The following PIK3CB variants were observed in gnomAD, a reference collection of about 807,000 sequenced individuals.
The protein encoded by PIK3CB is phosphatidylinositol 4,5-bisphosphate 3-kinase catalytic subunit beta isoform.
PIK3CB carries 39 observed loss-of-function variants against 136.8 expected under a neutral mutation model. The observed-to-expected ratio is 0.29, with a 90% CI of 0.22 to 0.37. PIK3CB has a LOEUF of 0.37. Ranked by LOEUF, PIK3CB falls within the 10% of genes least tolerant of loss-of-function variation. PIK3CB has a pLI of 1.00. For synonymous variants in PIK3CB, 428 were observed against 436.6 expected, an observed-to-expected ratio of 0.98 and a Z score of 0.25; for missense variants, 868 against 1,275.4, an observed-to-expected ratio of 0.68 and a Z score of 4.87.
chr3:138,699,964 G>A (rs935518967), intron 12 of PIK3CB, among the ~76,000 whole-genome samples: 3 of 152,110 alleles, frequency 2.0e-5, no homozygotes, highest in Non-Finnish European at 2.9e-5. Context: ...CACTTTGTGA[G>A]GCTAAGGCAG....
chr3:138,823,787 G>A (rs1283393384), intron 1 of PIK3CB, among the ~76,000 whole-genome samples: 2 of 152,204 alleles, frequency 1.3e-5, no homozygotes, highest in Non-Finnish European at 2.9e-5. Context: ...ACTTCAAATC[G>A]GGTTATAATT....
At chr3:138,663,859 GAA>G in intron 21 of PIK3CB, 45 bp downstream of exon 21, 1 of 1,578,650 alleles carries the variant, frequency 6.3e-7, no homozygotes, top group Non-Finnish European at 8.6e-7. Flanking sequence ...CTATACATAA[GAA>G]ATAGCATTAC....
At chr3:138,817,838 G>T (rs904270340) in intron 1 of PIK3CB, among the ~76,000 whole-genome samples, 4 of 152,098 alleles carry the variant, frequency 2.6e-5, no homozygotes, top group Non-Finnish European at 4.4e-5. Context: ...TGTGCCTCCC[G>T]AGTCACCAGA....
At chr3:138,831,281 A>AAAATAAAATAAAATAAAATT (rs763253552) in intron 1 of PIK3CB, among the ~76,000 whole-genome samples, 35 of 148,276 alleles carry the variant, frequency 2.4e-4, no homozygotes, top group Non-Finnish European at 3.8e-4. Context: ...AAAATAAAAT[A>AAAATAAAATAAAATAAAATT]AAATTAAATT....
intron 8 of PIK3CB, among the ~76,000 whole-genome samples, chr3:138,723,169 T>A (rs1189657009): frequency 6.6e-6 from 1 of 152,114 alleles, no homozygotes; most frequent in African/African-American, 2.4e-5. Flanking sequence ...CACATGAAAT[T>A]TTATAAAAAT....
intron 1 of PIK3CB, among the ~76,000 whole-genome samples, chr3:138,822,703 G>A (rs1264155431): frequency 3.3e-5 from 5 of 150,070 alleles, no homozygotes; most frequent in African/African-American, 4.9e-5. Flanking sequence ...TCAGCCAGGC[G>A]TGTGGCATGC....
At chr3:138,763,135 T>TATGTATGTATGTATGTATGC (rs2045685718) in intron 2 of PIK3CB, among the ~76,000 whole-genome samples, 1 of 151,894 alleles carries the variant, frequency 6.6e-6, no homozygotes, top group Non-Finnish European at 1.5e-5. Flanking sequence ...TGTATGTATG[T>TATGTATGTATGTATGTATGC]ATGTATGTAT....
chr3:138,755,849 T>A lies in PIK3CB; in HGVS notation c.302A>T (p.Asp101Val), dbSNP rs2108721603. 1 of 1,613,032 alleles carries A rather than the reference T, an allele frequency of 6.2e-7. No homozygotes were observed. The highest frequency in any genetic ancestry group is 2.2e-5 in the East Asian group (1 of 44,804). ...GAGAACTGGAAGAAAAGGTCTGACA[T>A]CACAGAGTCTTCGTGTTTCATCTTC... is the stretch of plus-strand genomic sequence containing the variant. Reference protein sequence around the residue: ...ELEDETRRLCDVRPFLPVLKL... With the variant: ...ELEDETRRLCVVRPFLPVLKL... The change falls in exon 4 of 24, where the codon GAT (aspartate) becomes GTT (valine). Residue 101 changes from aspartate (D) to valine (V), a missense_variant. This residue lies in a region of PIK3CB where 612 missense variants were observed against 801.1 expected (regional missense o/e 0.76). Coordinates refer to ENST00000674063, the MANE Select transcript of PIK3CB (RefSeq NM_006219.3).
At chr3:138,822,649 C>CT (rs1300525882) in intron 1 of PIK3CB, among the ~76,000 whole-genome samples, 2 of 151,388 alleles carry the variant, frequency 1.3e-5, no homozygotes, top group Non-Finnish European at 2.9e-5. Flanking sequence ...CGAGACGAGC[C>CT]TGGCCAACAC....
rs2043846404 is a variant in PIK3CB, at chr3:138,684,645, A to G, written c.2295T>C (p.Cys765=). ...LSDLQSPLNP[C]VILSELYVEK... Reference sequence around the variant, plus strand: ...CTTACTAGAGTTCTGAGAGGATAACACATGGGTTCAGGGGTGACTGCAGGT... The same window carrying G: ...CTTACTAGAGTTCTGAGAGGATAACGCATGGGTTCAGGGGTGACTGCAGGT... Residue 765 remains cysteine (C), a synonymous_variant, in exon 17 of 24, where the codon TGT becomes TGC. Transcript: ENST00000674063. 6.2e-7 allele frequency: 1 copy of G among 1,610,356 alleles called. No individual in the cohort carries two copies. The highest frequency in any genetic ancestry group is 1.1e-5 in the South Asian group (1 of 90,432).
At chr3:138,692,976 A>G (rs530397568) in intron 14 of PIK3CB, among the ~76,000 whole-genome samples, 1 of 152,394 alleles carries the variant, frequency 6.6e-6, no homozygotes, top group South Asian at 2.1e-4. Flanking sequence ...GGAATGAATT[A>G]AATAAGATAT....
In PIK3CB at chr3:138,698,956, G is replaced by C; in HGVS notation, c.1721C>G (p.Pro574Arg). The C allele has an allele frequency of 6.2e-7, 1 of 1,601,936 alleles. No individual in the cohort carries two copies. Among genetic ancestry groups the C allele is most frequent in the Non-Finnish European group, 8.5e-7 (1 of 1,171,846 alleles). ...CCACTTGATTGACAGCAGTAATTTT[G>C]GCAGTGATTGTGGGAAAATCTCTCG... The part of the protein sequence containing the change: ...DCREIFPQSL[P>R]KLLLSIKWNK... The change falls in exon 13 of 24, where the codon CCA (proline) becomes CGA (arginine). Residue 574 changes from proline to arginine, a missense_variant. Transcript: ENST00000674063.
In PIK3CB at chr3:138,737,861, G is replaced by A. The variant is rs776702180; in HGVS notation, c.647C>T (p.Pro216Leu). Residue 216 changes from proline (P) to leucine (L), a missense_variant, in exon 6 of 24, where the codon CCT (proline) becomes CTT (leucine). Physicochemically the swap from Pro to Leu is moderately conservative, Grantham distance 98. Transcript: ENST00000674063. ...CQDVFSFQVS[P>L]NMNPIKVNEL... ...ATTTACTTTGATAGGATTCATATTA[G>A]GAGACACTTGAAAGCTAAACACGTC... The A allele has an allele frequency of 6.9e-6, 11 of 1,602,326 alleles. No homozygotes were observed. The highest frequency in any genetic ancestry group is 9.4e-6 in the Non-Finnish European group (11 of 1,173,768).
intron 21 of PIK3CB, among the ~76,000 whole-genome samples, chr3:138,663,335 A>C (rs2043336753): frequency 6.6e-6 from 1 of 152,194 alleles, no homozygotes; most frequent in Admixed American, 6.5e-5. Flanking sequence ...TATCCCAAAT[A>C]CTATTTCTTA....
intron 16 of PIK3CB, 190 bp from the exon 17 acceptor site, chr3:138,684,993 T>C (rs2043854168): frequency 2.0e-6 from 1 of 498,778 alleles, no homozygotes; most frequent in Non-Finnish European, 3.5e-6. Context: ...TTTTTAACAG[T>C]TGTTATAGCA....
At chr3:138,777,964 C>A in intron 2 of PIK3CB, 1 of 379,794 alleles carries the variant, frequency 2.6e-6, no homozygotes, top group South Asian at 2.2e-5. Context: ...TCTATATGTT[C>A]CATGATGATT....
At chr3:138,817,373 G>A (rs868393859) in intron 1 of PIK3CB, among the ~76,000 whole-genome samples, 8 of 151,802 alleles carry the variant, frequency 5.3e-5, no homozygotes, top group African/African-American at 1.2e-4. Flanking sequence ...AAAATTAGCC[G>A]GGCCTGGTGG....
At chr3:138,686,833 G>A (rs1335860151) in intron 16 of PIK3CB, among the ~76,000 whole-genome samples, 1 of 152,112 alleles carries the variant, frequency 6.6e-6, no homozygotes, top group African/African-American at 2.4e-5. Context: ...CAGGAAACTA[G>A]GAAGGACCTA....
rs2045626390 is a variant in PIK3CB at position 138,759,164 on chromosome 3, T to C, written c.171+9A>G. 5 of 1,580,304 alleles carry C rather than the reference T, an allele frequency of 3.2e-6. No individual in the cohort carries two copies. Among genetic ancestry groups the C allele is most frequent in the Non-Finnish European group, 4.3e-6 (5 of 1,152,752 alleles). The stretch of plus-strand genomic sequence containing the variant: ...GCTAAACACATAGAAATTATACCTA[T>C]TAACATACCTGCTTAATATAAGAAA... On this transcript the variant is annotated intron_variant, in intron 3 of 23. Transcript: ENST00000674063.
Sources: allele counts gnomAD v4.1 joint callset (sites outside exome capture counted in the v4.1 genomes callset), GRCh38; gene constraint gnomAD v4.1.1; regional missense constraint gnomAD v4.1.1; transcripts MANE v1.5; gene names NCBI Gene and HGNC (gene_info 2026-07-23, HGNC 2026-07-21).